Variants in LMOD1 observed in about 807,000 individuals in gnomAD.
The protein encoded by LMOD1 is leiomodin 1, also known as leiomodin-1.
In LMOD1, 8 loss-of-function variants were observed where a neutral mutation model predicts 36.5. The ratio of observed to expected loss-of-function variants is 0.22; its 90% CI spans 0.13 to 0.40. The LOEUF is 0.40. Ranked by LOEUF, LMOD1 falls within the 10% of genes least tolerant of loss-of-function variation. LMOD1 has a pLI of 1.00. For synonymous variants in LMOD1, 284 were observed against 288.7 expected (o/e 0.98, Z 0.17); for missense variants, 630 against 751.1 (o/e 0.84, Z 1.88).
intron 2 of LMOD1, 92 bp from the exon 3 acceptor site, chr1:201,898,490 G>T (rs1681232162): frequency 8.9e-7 from 1 of 1,126,754 alleles, no homozygotes; most frequent in East Asian, 2.7e-5. Context: ...ACTGCAATAT[G>T]TTATGTCTGT....
chr1:201,934,362 C>T (rs777285175), intron 1 of LMOD1, among the ~76,000 whole-genome samples: 2 of 152,134 alleles, frequency 1.3e-5, no homozygotes, highest in African/African-American at 2.4e-5. Context: ...CCCATCACCA[C>T]ACTTATCAAC....
intron 1 of LMOD1, among the ~76,000 whole-genome samples, chr1:201,931,292 C>T (rs1220519145): frequency 6.6e-6 from 1 of 152,086 alleles, no homozygotes; most frequent in Non-Finnish European, 1.5e-5. Context: ...TCCAACACTT[C>T]GGGAGGCCAA....
In LMOD1 at chr1:201,900,060, A is replaced by G; in HGVS notation, c.953T>C (p.Phe318Ser). Residue 318 changes from phenylalanine (F) to serine (S), a missense_variant, in exon 2 of 3, where the codon TTT (phenylalanine) becomes TCT (serine). Around this residue, in one of 3 missense-constraint regions of LMOD1, gnomAD observed 405 missense variants for 400.6 expected, o/e 1.01. Transcript: ENST00000367288. ...KVEEEAAPSI[F>S]DEPLERVKNN... is the part of the protein sequence containing the mutation. ...CTTCACTCTCTCCAGAGGCTCATCA[A>G]ATATGCTGGGAGCTGCCTCCTCCTC... 1.9e-6 allele frequency: 3 copies of G among 1,613,618 alleles called. No individual in the cohort carries two copies. Among genetic ancestry groups the G allele is most frequent in the Non-Finnish European group, 2.5e-6 (3 of 1,179,828 alleles).
intron 1 of LMOD1, among the ~76,000 whole-genome samples, chr1:201,933,146 G>A (rs1167114619): frequency 1.3e-5 from 2 of 152,154 alleles, no homozygotes; most frequent in African/African-American, 4.8e-5. Context: ...TGGTGTGGTG[G>A]CTCACGCTTG....
chr1:201,943,037 T>C (rs1162824111), intron 1 of LMOD1, among the ~76,000 whole-genome samples: 2 of 152,258 alleles, frequency 1.3e-5, no homozygotes, highest in Non-Finnish European at 2.9e-5. Flanking sequence ...GTTATGTTCC[T>C]ACTCATGGGG....
chr1:201,941,983 T>C (rs1682124816), intron 1 of LMOD1, among the ~76,000 whole-genome samples: 1 of 152,220 alleles, frequency 6.6e-6, no homozygotes, highest in African/African-American at 2.4e-5. Context: ...TCCTGAAACC[T>C]GAGACAAGGA....
At chr1:201,937,788 A>C (rs1184289257) in intron 1 of LMOD1, among the ~76,000 whole-genome samples, 1 of 152,064 alleles carries the variant, frequency 6.6e-6, no homozygotes, top group Non-Finnish European at 1.5e-5. Context: ...ACAAACATAG[A>C]CTGTAACCTC....
chr1:201,921,836 T>C (rs1345732183), intron 1 of LMOD1, among the ~76,000 whole-genome samples: 4 of 151,810 alleles, frequency 2.6e-5, no homozygotes, highest in African/African-American at 9.7e-5. Context: ...GGTGGGCGCC[T>C]GTAGTCCCAG....
At chr1:201,931,663 GA>G (rs1386390223) in intron 1 of LMOD1, among the ~76,000 whole-genome samples, 4 of 152,066 alleles carry the variant, frequency 2.6e-5, no homozygotes, top group Non-Finnish European at 5.9e-5. Flanking sequence ...ATTTTCATCT[GA>G]TGGCTTCAAG....
rs760019885 is a variant in LMOD1, at chr1:201,946,144, T to C, written c.197A>G (p.Glu66Gly). The C allele has an allele frequency of 2.2e-5, 36 of 1,613,882 alleles. No homozygotes were observed. The highest frequency in any genetic ancestry group is 2.7e-5 in the Non-Finnish European group (32 of 1,179,900). Residue 66 changes from glutamate (E) to glycine (G), a missense_variant, in exon 1 of 3, where the codon GAG becomes GGG. Glu to Gly is a moderately conservative substitution (Grantham distance 98). Transcript: ENST00000367288. ...EKQSTGVYNREAMLNFCEKET... is the reference protein window; with the variant it reads ...EKQSTGVYNRGAMLNFCEKET... The stretch of plus-strand genomic sequence containing the variant: ...CTTTTCACAGAAGTTGAGCATGGCC[T>C]CCCGGTTGTACACACCCGTGGACTG...
At chr1:201,904,175 A>C (rs1276971218) in intron 1 of LMOD1, among the ~76,000 whole-genome samples, 3 of 151,878 alleles carry the variant, frequency 2.0e-5, no homozygotes, top group Non-Finnish European at 2.9e-5. Flanking sequence ...CCTAGCCAGG[A>C]CTCAATTTAA....
intron 1 of LMOD1, among the ~76,000 whole-genome samples, chr1:201,920,013 A>G (rs1681674465): frequency 6.8e-6 from 1 of 146,620 alleles, no homozygotes; most frequent in Non-Finnish European, 1.5e-5. Flanking sequence ...TATTGGCTTC[A>G]ATGCCATCTC....
chr1:201,941,408 A>C (rs1682112491), intron 1 of LMOD1, among the ~76,000 whole-genome samples: 1 of 152,182 alleles, frequency 6.6e-6, no homozygotes, highest in South Asian at 2.1e-4. Flanking sequence ...TCAGGGCGAG[A>C]TTTTAACAGT....
chr1:201,905,044 G>A (rs990404378), intron 1 of LMOD1, among the ~76,000 whole-genome samples: 2 of 152,220 alleles, frequency 1.3e-5, no homozygotes, highest in Non-Finnish European at 2.9e-5. Flanking sequence ...TATAGCAGGA[G>A]GAATTTAGGT....
At chr1:201,930,154 A>G (rs1448211979) in intron 1 of LMOD1, among the ~76,000 whole-genome samples, 2 of 152,184 alleles carry the variant, frequency 1.3e-5, no homozygotes, top group Non-Finnish European at 2.9e-5. Flanking sequence ...ATAGGAAGGC[A>G]CTGGAACATC....
At chr1:201,931,768 G>A (rs1319328440) in intron 1 of LMOD1, among the ~76,000 whole-genome samples, 1 of 151,928 alleles carries the variant, frequency 6.6e-6, no homozygotes, top group Non-Finnish European at 1.5e-5. Flanking sequence ...TGGGCACGGT[G>A]GGACATGCCT....
At chr1:201,937,812 A>G (rs1036256680) in intron 1 of LMOD1, among the ~76,000 whole-genome samples, 1 of 152,166 alleles carries the variant, frequency 6.6e-6, no homozygotes, top group Non-Finnish European at 1.5e-5. Context: ...GAGGGCAAGA[A>G]CCTTGTCTCT....
intron 1 of LMOD1, among the ~76,000 whole-genome samples, chr1:201,944,001 G>A (rs1213986109): frequency 6.6e-6 from 1 of 152,218 alleles, no homozygotes; most frequent in African/African-American, 2.4e-5. Context: ...GATTTACAGA[G>A]ATGACTTCTG....
chr1:201,937,679 T>G (rs752847534), intron 1 of LMOD1, among the ~76,000 whole-genome samples: 1 of 151,902 alleles, frequency 6.6e-6, no homozygotes, highest in Non-Finnish European at 1.5e-5. Context: ...GGCGGGAGGA[T>G]TGCTTGAGCC....
Sources: gnomAD v4.1 joint callset for allele counts (sites outside exome capture counted in the v4.1 genomes callset) on GRCh38, gnomAD v4.1.1 for gene constraint, gnomAD v4.1.1 regional missense constraint, MANE v1.5 for transcripts, NCBI Gene and HGNC (gene_info 2026-07-23, HGNC 2026-07-21) for gene names.